Variants in NXNL2 observed in about 807,000 individuals in gnomAD.
The protein encoded by NXNL2 is nucleoredoxin like 2, also known as nucleoredoxin-like protein 2.
In NXNL2, 7 loss-of-function variants were observed where a neutral mutation model predicts 11.1. That is an observed-to-expected ratio of 0.63 (90% CI 0.36 to 1.18). NXNL2 has a LOEUF of 1.18. Among genes scored for constraint, NXNL2 ranks in the 50% most tolerant of loss-of-function variants. The pLI is 0.02. For synonymous variants in NXNL2, 109 were observed against 101.8 expected (o/e 1.07, Z -0.42); for missense variants, 233 against 217.7 (o/e 1.07, Z -0.44).
chr9:88,573,485 G>A (rs1180357542), intron 2 of NXNL2, among the ~76,000 whole-genome samples: 1 of 152,168 alleles, frequency 6.6e-6, no homozygotes, highest in Admixed American at 6.5e-5. Context: ...ACTATCTTGG[G>A]TGATATTGGA....
downstream of NXNL2, among the ~76,000 whole-genome samples, chr9:88,549,011 C>T: frequency 6.6e-6 from 1 of 152,196 alleles, no homozygotes; most frequent in Middle Eastern, 3.2e-3. Flanking sequence ...CCATTTTGAC[C>T]TTGGACTTAC....
chr9:88,566,422 C>T (rs1393117269), intron 1 of NXNL2, among the ~76,000 whole-genome samples: 1 of 152,090 alleles, frequency 6.6e-6, no homozygotes, highest in East Asian at 1.9e-4. Context: ...CCTGCCTCAG[C>T]CTCCTGAGTA....
chr9:88,542,920 C>G (rs377631572), intron 1 of NXNL2, among the ~76,000 whole-genome samples: 1 of 152,052 alleles, frequency 6.6e-6, no homozygotes, highest in African/African-American at 2.4e-5. Flanking sequence ...GTTCACAATC[C>G]TGAGGGTGAC....
At chr9:88,575,158 C>A in exon 3 of NXNL2, 2 of 985,216 alleles carry the variant, frequency 2.0e-6, no homozygotes, top group South Asian at 4.7e-5. Context: ...AGCTGTTCTC[C>A]CCCCGCACCA....
At chr9:88,562,410 C>T (rs879469445) in intron 1 of NXNL2, among the ~76,000 whole-genome samples, 2 of 151,886 alleles carry the variant, frequency 1.3e-5, no homozygotes, top group Admixed American at 1.3e-4. Flanking sequence ...TCAGGCCCTT[C>T]ATTTCTGTTA....
intron 1 of NXNL2, among the ~76,000 whole-genome samples, chr9:88,539,963 G>A (rs916390310): frequency 2.6e-5 from 4 of 152,022 alleles, no homozygotes; most frequent in African/African-American, 9.7e-5. Flanking sequence ...GATTACAGGC[G>A]TGAGCCACCG....
Position 88,583,589 on chromosome 9 carries a change from T to G in NXNL2, n.552-410T>G, listed in dbSNP as rs151059084. 3.9e-4 allele frequency among the ~76,000 whole-genome samples: 59 copies of G among 152,330 alleles called. 1 individual carries two copies. Among genetic ancestry groups the G allele is most frequent in the African/African-American group, 1.3e-3 (53 of 41,584 alleles). ...TAGGATGGTGCTGAGATTGTGCTGC[T>G]CTGATGCTTTGGGATGAAAGCTAGA... On this transcript the variant is annotated intron_variant and non_coding_transcript_variant, in intron 1 of 1. Transcript: ENST00000478686.
chr9:88,535,301 G>C lies in NXNL2; in HGVS notation c.-134G>C. ...CCTGGCCAAGGTGTGGGCGCATCTG[G>C]GGCAGGTCTTGAGAGGTCCAGCGCC... On this transcript the variant is annotated 5_prime_UTR_variant, in exon 1 of 2. Coordinates refer to ENST00000375854, the MANE Select transcript of NXNL2 (RefSeq NM_001161625.2). 4 of 826,954 alleles carry C rather than the reference G, an allele frequency of 4.8e-6. No homozygotes were observed. Among genetic ancestry groups the C allele is most frequent in the South Asian group, 3.7e-5 (2 of 54,584 alleles). The allele number at this position is 826,954 out of a possible 1,614,324, so 51.2% of individuals were successfully genotyped here.
chr9:88,549,676 C>A (rs1405423253), downstream of NXNL2, among the ~76,000 whole-genome samples: 2 of 152,110 alleles, frequency 1.3e-5, no homozygotes, highest in Non-Finnish European at 2.9e-5. Flanking sequence ...GAGACTGGCT[C>A]ATGGTTCTGC....
intron 1 of NXNL2, among the ~76,000 whole-genome samples, chr9:88,537,435 T>G (rs905366962): frequency 3.9e-5 from 6 of 152,208 alleles, no homozygotes; most frequent in Non-Finnish European, 5.9e-5. Flanking sequence ...GTGAGCTGCG[T>G]GACGTGGGTC....
chr9:88,553,561 A>G (rs1162696788), intron 1 of NXNL2, among the ~76,000 whole-genome samples: 1 of 152,124 alleles, frequency 6.6e-6, no homozygotes, highest in African/African-American at 2.4e-5. Flanking sequence ...TCCTGGTGCT[A>G]CATCAGCAGC....
intron 1 of NXNL2, among the ~76,000 whole-genome samples, chr9:88,553,948 C>G (rs1829978123): frequency 1.3e-5 from 2 of 152,128 alleles, no homozygotes; most frequent in Admixed American, 1.3e-4. Context: ...AAATAATCAT[C>G]TTCAGGTAAA....
chr9:88,559,805 G>A (rs964938939), intron 1 of NXNL2, among the ~76,000 whole-genome samples: 3 of 151,912 alleles, frequency 2.0e-5, no homozygotes, highest in Non-Finnish European at 2.9e-5. Flanking sequence ...TTTCAGGACC[G>A]GCCGGTGCCC....
chr9:88,565,861 A>T (rs150813803), intron 1 of NXNL2, among the ~76,000 whole-genome samples: 309 of 152,258 alleles, frequency 2.0e-3, no homozygotes, highest in African/African-American at 7.0e-3. Flanking sequence ...TGTTGTTGTT[A>T]ATAATAGCCA....
intron 1 of NXNL2, among the ~76,000 whole-genome samples, chr9:88,582,255 G>T (rs28499574): frequency 0.22 from 33,364 of 152,036 alleles, 5,785 homozygotes; most frequent in East Asian, 0.87. Context: ...GAGGTGGGCG[G>T]ATCACGAGGT....
intron 2 of NXNL2, among the ~76,000 whole-genome samples, chr9:88,572,445 C>T (rs1347195941): frequency 2.6e-5 from 4 of 152,160 alleles, no homozygotes; most frequent in South Asian, 2.1e-4. Context: ...TTCTAAGTAG[C>T]GGCTCCTCCT....
intron 1 of NXNL2, among the ~76,000 whole-genome samples, chr9:88,560,683 G>T (rs1022125508): frequency 6.6e-6 from 1 of 152,236 alleles, no homozygotes; most frequent in African/African-American, 2.4e-5. Context: ...GTTGGAGATC[G>T]CTTGAGCTCA....
intron 1 of NXNL2, among the ~76,000 whole-genome samples, chr9:88,564,285 T>TCTATTATCTATCTATC (rs1554706562): frequency 2.7e-4 from 38 of 140,256 alleles, no homozygotes; most frequent in Middle Eastern, 7.1e-3. Flanking sequence ...TATCTATCTA[T>TCTATTATCTATCTATC]TATCTATCTA....
intron 1 of NXNL2, among the ~76,000 whole-genome samples, chr9:88,568,515 C>A (rs1043454538): frequency 6.6e-6 from 1 of 152,226 alleles, no homozygotes; most frequent in African/African-American, 2.4e-5. Flanking sequence ...CTGAGGGCCA[C>A]AACCTCAAAC....
Sources: allele counts gnomAD v4.1 joint callset (sites outside exome capture counted in the v4.1 genomes callset), GRCh38; gene constraint gnomAD v4.1.1; transcripts MANE v1.5; gene names NCBI Gene and HGNC (gene_info 2026-07-23, HGNC 2026-07-21).